XPA: variants seen among roughly 807,000 people sequenced by gnomAD.
The protein encoded by XPA is DNA repair protein complementing XP-A cells.
A neutral mutation model predicts 35.7 loss-of-function variants in XPA; 27 were observed. That is an observed-to-expected ratio of 0.76 (90% CI 0.56 to 1.04). XPA has a LOEUF of 1.04. Among genes scored for constraint, XPA ranks in the 50% least tolerant of loss-of-function variants. The pLI, the probability that XPA is intolerant of heterozygous loss-of-function variation, is 0.00. For missense variants in XPA, 354 were observed against 342.7 expected (o/e 1.03, Z -0.26); for synonymous variants, 133 against 118.4 (o/e 1.12, Z -0.80).
intron 5 of XPA, among the ~76,000 whole-genome samples, chr9:97,684,430 A>G (rs1366896141): frequency 6.6e-6 from 1 of 152,100 alleles, no homozygotes; most frequent in Non-Finnish European, 1.5e-5. Flanking sequence ...TCCAGTCCCA[A>G]CTCTGCCAAT....
downstream of XPA, chr9:97,674,900 A>G (rs1300210722): frequency 2.0e-6 from 1 of 496,872 alleles, no homozygotes; most frequent in African/African-American, 1.9e-5. Flanking sequence ...AAGAGTACAG[A>G]AAACATGATC....
intron 5 of XPA, among the ~76,000 whole-genome samples, chr9:97,684,302 G>C (rs1828638934): frequency 6.6e-6 from 1 of 152,200 alleles, no homozygotes; most frequent in South Asian, 2.1e-4. Flanking sequence ...TACATACCTG[G>C]ATGGATAACA....
the XPA span, chr9:97,661,934 C>T: frequency 1.7e-6 from 1 of 603,614 alleles, no homozygotes; most frequent in Non-Finnish European, 2.7e-6. Context: ...AAACATTACA[C>T]AAATATCTGT....
In XPA at chr9:97,675,504, C is replaced by G. The variant is rs1587736013; in HGVS notation, c.757G>C (p.Glu253Gln). The change falls in exon 6 of 6, where the codon GAA becomes CAA. Residue 253 changes from glutamate to glutamine, a missense_variant. Glu to Gln is a conservative substitution (Grantham distance 29). Coordinates refer to ENST00000375128, the MANE Select transcript of XPA (RefSeq NM_000380.4). Reference protein sequence around the residue: ...QHEYGPEENLEDDMYRKTCTM... With the variant: ...QHEYGPEENLQDDMYRKTCTM... ...CAAGTCTTACGGTACATGTCATCTT[C>G]TAGGTTTTCTTCTGGTCCATACTCA... The G allele has an allele frequency of 1.9e-6, 3 of 1,613,970 alleles. No homozygotes were observed. Among genetic ancestry groups the G allele is most frequent in the Non-Finnish European group, 2.5e-6 (3 of 1,179,966 alleles).
chr9:97,655,278 A>G, the XPA span, among the ~76,000 whole-genome samples: 108 of 152,264 alleles, frequency 7.1e-4, no homozygotes, highest in Non-Finnish European at 1.2e-3. Flanking sequence ...TGGGATGAGC[A>G]TAGCTCATTG....
the XPA span, among the ~76,000 whole-genome samples, chr9:97,667,073 A>G: frequency 6.6e-6 from 1 of 152,196 alleles, no homozygotes; most frequent in Non-Finnish European, 1.5e-5. Context: ...GTGCTGTTAC[A>G]CTGCATGATG....
chr9:97,675,863 A>G, intron 5 of XPA: 1 of 496,944 alleles, frequency 2.0e-6, no homozygotes, highest in South Asian at 2.1e-5. Context: ...TATGCAAAAC[A>G]GAACCATATT....
intron 3 of XPA, 41 bp downstream of exon 3, chr9:97,689,493 C>A (rs1373375259): frequency 7.9e-7 from 1 of 1,266,602 alleles, no homozygotes; most frequent in Non-Finnish European, 1.2e-6. Flanking sequence ...TAAACCTACA[C>A]ATAAACATTA....
At position 97,691,725 on chromosome 9, in the gene XPA, CA is replaced by C. The variant is rs912837162; in HGVS notation, c.283+1923del. ...TGAAACTCCGTCTCAAAAACAAAAACAAAAAAAATTAGCCAGGCATGGTAGT... is the reference window on the plus strand; with the variant it reads ...TGAAACTCCGTCTCAAAAACAAAAACAAAAAAATTAGCCAGGCATGGTAGT... On this transcript the variant is annotated intron_variant, in intron 2 of 5. Coordinates refer to ENST00000375128, the MANE Select transcript of XPA (RefSeq NM_000380.4). 3.3e-5 allele frequency among the ~76,000 whole-genome samples: 5 copies of C among 150,190 alleles called. No homozygotes were observed. The South Asian group carries it at 1.1e-3, about 32-fold the overall frequency.
At chr9:97,665,055 C>T in the XPA span, among the ~76,000 whole-genome samples, 3 of 152,184 alleles carry the variant, frequency 2.0e-5, no homozygotes, top group Non-Finnish European at 4.4e-5. Context: ...ACCAGGGCAG[C>T]AGGAGTTGAC....
chr9:97,689,929 A>C (rs928936367), intron 2 of XPA, among the ~76,000 whole-genome samples: 13 of 152,242 alleles, frequency 8.5e-5, no homozygotes, highest in African/African-American at 2.7e-4. Flanking sequence ...CCACAGACAG[A>C]GTGACTTAAA....
At chr9:97,663,820 T>G in the XPA span, among the ~76,000 whole-genome samples, 3 of 151,390 alleles carry the variant, frequency 2.0e-5, no homozygotes, top group Non-Finnish European at 4.4e-5. Context: ...CCATTCAGAG[T>G]TTTTGTTTAG....
the XPA span, among the ~76,000 whole-genome samples, chr9:97,668,019 G>A: frequency 2.0e-5 from 3 of 152,130 alleles, no homozygotes; most frequent in Admixed American, 1.3e-4. Flanking sequence ...TGTGATATCC[G>A]AGAGCAGGGT....
chr9:97,685,261 T>G (rs1377746417), intron 4 of XPA, among the ~76,000 whole-genome samples: 1 of 152,210 alleles, frequency 6.6e-6, no homozygotes, highest in African/African-American at 2.4e-5. Context: ...TATGCTGAAT[T>G]AGATTATAAA....
chr9:97,683,850 C>CCTTAT (rs3176699), intron 5 of XPA, among the ~76,000 whole-genome samples: 17,851 of 152,046 alleles, frequency 0.12, 2,953 homozygotes, highest in African/African-American at 0.36. Flanking sequence ...AGACATCTGA[C>CCTTAT]CTTATTCACT....
the XPA span, chr9:97,669,024 T>C: frequency 1.3e-6 from 2 of 1,506,294 alleles, no homozygotes; most frequent in African/African-American, 1.4e-5. Flanking sequence ...TACATTTCTT[T>C]AGTTTTAGTT....
At chr9:97,666,634 G>C in the XPA span, 1 of 576,280 alleles carries the variant, frequency 1.7e-6, no homozygotes, top group East Asian at 3.1e-5. Flanking sequence ...GCTGGAGAAA[G>C]ATGACTAATT....
At chr9:97,685,612 T>G (rs1276376776) in intron 4 of XPA, among the ~76,000 whole-genome samples, 1 of 152,208 alleles carries the variant, frequency 6.6e-6, no homozygotes, top group Non-Finnish European at 1.5e-5. Context: ...TTTACTTAGA[T>G]TTTAAGAGAA....
downstream of XPA, chr9:97,673,360 T>C (rs1828254871): frequency 6.6e-6 from 1 of 152,180 alleles, no homozygotes; most frequent in Non-Finnish European, 1.5e-5. Flanking sequence ...TTTAAGGGAT[T>C]GGTAACTTTG....
Sources: gnomAD v4.1 joint callset for allele counts (sites outside exome capture counted in the v4.1 genomes callset) on GRCh38, gnomAD v4.1.1 for gene constraint, MANE v1.5 for transcripts, NCBI Gene and HGNC (gene_info 2026-07-23, HGNC 2026-07-21) for gene names.